PRDM16: variants seen among roughly 807,000 people sequenced by gnomAD.
PRDM16 encodes the protein histone-lysine N-methyltransferase PRDM16.
PRDM16 carries 23 observed loss-of-function variants against 110.6 expected under a neutral mutation model. The observed-to-expected ratio is 0.21, with a 90% CI of 0.15 to 0.29. PRDM16 has a LOEUF of 0.29. Among genes scored for constraint, PRDM16 ranks in the 10% least tolerant of loss-of-function variants. The probability of loss-of-function intolerance (pLI) is 1.00; values close to 1 mark genes in which losing one functional copy is unlikely to be tolerated. For synonymous variants in PRDM16, 799 were observed against 781.8 expected, an observed-to-expected ratio of 1.02 and a Z score of -0.37; for missense variants, 1,615 against 1,794.3, an observed-to-expected ratio of 0.90 and a Z score of 1.81.
intron 1 of PRDM16, among the ~76,000 whole-genome samples, chr1:3,144,207 C>T (rs1643603167): frequency 1.3e-5 from 2 of 152,174 alleles, no homozygotes; most frequent in Admixed American, 1.3e-4. Flanking sequence ...AGCCTGTGGG[C>T]ACCATCACTG....
chr1:3,394,475 G>A, intron 4 of PRDM16: 1 of 449,206 alleles, frequency 2.2e-6, no homozygotes, highest in Non-Finnish European at 4.5e-6. Context: ...CTCGACGGGG[G>A]TGGGGTGGAG....
chr1:3,416,012 C>A (rs1240961470), intron 10 of PRDM16, among the ~76,000 whole-genome samples: 1 of 152,220 alleles, frequency 6.6e-6, no homozygotes, highest in African/African-American at 2.4e-5. Flanking sequence ...GCTCATCACT[C>A]GTTCTCATCA....
Position 3,343,355 on chromosome 1 carries a change from T to C in PRDM16, c.439-41797T>C, listed in dbSNP as rs1343365690. The stretch of plus-strand genomic sequence containing the variant: ...TTTTATCAATTGATTTTTAGATCTT[T>C]ATGTATCCTAGATACAAGTCCTTAG... On this transcript the variant is annotated intron_variant, in intron 3 of 16. Coordinates refer to ENST00000270722, the MANE Select transcript of PRDM16 (RefSeq NM_022114.4). Among the ~76,000 whole-genome samples the C allele has an allele frequency of 2.0e-5, 3 of 151,638 alleles. No homozygotes were observed. The East Asian group carries it at 5.8e-4, about 29-fold the overall frequency.
At chr1:3,114,001 G>C (rs1020943772) in intron 1 of PRDM16, among the ~76,000 whole-genome samples, 1 of 152,164 alleles carries the variant, frequency 6.6e-6, no homozygotes, top group Non-Finnish European at 1.5e-5. Context: ...TGTTTTCTTT[G>C]GTTTTGTTTT....
chr1:3,435,095 C>T lies in PRDM16; in HGVS notation c.*1284C>T, dbSNP rs183540566. ...AAGGAGCAGAGACAGCACAGCCCCC[C>T]GGGCCCAGCCGCCTCCCTCTCTTGG... On this transcript the variant is annotated 3_prime_UTR_variant, in exon 17 of 17. Coordinates refer to ENST00000270722, the MANE Select transcript of PRDM16 (RefSeq NM_022114.4). 111 of 227,012 alleles carry T rather than the reference C, an allele frequency of 4.9e-4. No homozygotes were observed. Among genetic ancestry groups the T allele is most frequent in the African/African-American group, 2.2e-3 (100 of 45,028 alleles). 14.1% of individuals were successfully genotyped at this position (227,012 alleles called of 1,614,324 possible).
chr1:3,126,919 G>C (rs899569603), intron 1 of PRDM16, among the ~76,000 whole-genome samples: 2 of 152,208 alleles, frequency 1.3e-5, no homozygotes, highest in South Asian at 4.1e-4. Context: ...TTAGGGGATC[G>C]AGAGCTTACT....
chr1:3,120,019 G>T (rs544109625), intron 1 of PRDM16, among the ~76,000 whole-genome samples: 5 of 137,830 alleles, frequency 3.6e-5, no homozygotes, highest in Non-Finnish European at 1.6e-5. Flanking sequence ...TGGGAGCCCC[G>T]CCTGGTGGCC....
At chr1:3,203,745 C>T (rs1310514998) in intron 2 of PRDM16, among the ~76,000 whole-genome samples, 1 of 152,198 alleles carries the variant, frequency 6.6e-6, no homozygotes, top group Non-Finnish European at 1.5e-5. Context: ...ATTCGGACCA[C>T]CCTACCTGCG....
At chr1:3,251,950 C>G (rs183325833) in intron 3 of PRDM16, among the ~76,000 whole-genome samples, 4 of 152,338 alleles carry the variant, frequency 2.6e-5, no homozygotes, top group Admixed American at 1.3e-4. Flanking sequence ...GGGGAGTTCT[C>G]TCTTCCACAC....
chr1:3,225,571 T>TGCGCGCGCGCGC (rs1374895567), intron 2 of PRDM16, among the ~76,000 whole-genome samples: 3 of 107,586 alleles, frequency 2.8e-5, no homozygotes, highest in African/African-American at 1.1e-4. Context: ...TGTGTGTGTG[T>TGCGCGCGCGCGC]GTGCGCGCGC....
At chr1:3,347,018 G>A (rs181706385) in intron 3 of PRDM16, among the ~76,000 whole-genome samples, 25 of 152,320 alleles carry the variant, frequency 1.6e-4, no homozygotes, top group African/African-American at 5.1e-4. Context: ...AGCACTCACC[G>A]GCAGCTTGGG....
At chr1:3,298,022 C>G (rs992260815) in intron 3 of PRDM16, among the ~76,000 whole-genome samples, 2 of 141,252 alleles carry the variant, frequency 1.4e-5, no homozygotes, top group African/African-American at 6.4e-5. Flanking sequence ...GGGAACAGCA[C>G]GTCACCCAAG....
In PRDM16 at chr1:3,437,864, G is replaced by A. The variant is rs373986423; in HGVS notation, c.*4053G>A. 2.7e-5 allele frequency: 6 copies of A among 218,352 alleles called. No homozygotes were observed. The highest frequency in any genetic ancestry group is 1.9e-4 in the South Asian group (1 of 5,404). The allele number at this position is 218,352 out of a possible 1,614,324, so 13.5% of individuals were successfully genotyped here. On this transcript the variant is annotated 3_prime_UTR_variant, in exon 17 of 17. Transcript: ENST00000270722. ...TCAGCGTCACGTGCATTGCCACTGCGCTTTCGGCACGAGGGATGCTGAGCC... is the reference window on the plus strand; with the variant it reads ...TCAGCGTCACGTGCATTGCCACTGCACTTTCGGCACGAGGGATGCTGAGCC...
Position 3,306,046 on chromosome 1 carries a change from TCA to T in PRDM16, c.438+61910_438+61911del, listed in dbSNP as rs1196271091. Among the ~76,000 whole-genome samples the T allele has an allele frequency of 5.3e-5, 8 of 152,366 alleles. No individual in the cohort carries two copies. In the East Asian group the frequency reaches 1.5e-3, roughly 29 times the overall value. ...CTCTGCTGGGATGAGACAGCCTTTC[TCA>T]GAGACCACTTCCCTCCAGGTTGTGA... is the stretch of plus-strand genomic sequence containing the variant. On this transcript the variant is annotated intron_variant, in intron 3 of 16. Coordinates refer to ENST00000270722, the MANE Select transcript of PRDM16 (RefSeq NM_022114.4).
At chr1:3,165,091 C>G (rs1488737497) in intron 1 of PRDM16, among the ~76,000 whole-genome samples, 2 of 152,242 alleles carry the variant, frequency 1.3e-5, no homozygotes, top group Non-Finnish European at 2.9e-5. Flanking sequence ...GCTCCGGGCC[C>G]CCCTCTGCCT....
chr1:3,241,576 C>T (rs1639675867), intron 2 of PRDM16, among the ~76,000 whole-genome samples: 1 of 152,202 alleles, frequency 6.6e-6, no homozygotes, highest in African/African-American at 2.4e-5. Context: ...GAGCATCCGT[C>T]TCTGCGTCCC....
chr1:3,431,017 TC>T lies in PRDM16; in HGVS notation c.3435del (p.Ala1146HisfsTer39). On this transcript the variant is annotated frameshift_variant, in exon 15 of 17. Transcript: ENST00000270722. LOFTEE classifies it high-confidence loss of function. ...LAGKSQDDTV[S>X]PAPEPQAAYE... is the part of the protein sequence containing the mutation. ...CGGGAAGTCGCAGGATGACACCGTG[TC>T]CCCCGCACCCGAGCCCCAGGCCGCC... The T allele has an allele frequency of 6.3e-7, 1 of 1,578,832 alleles. No homozygotes were observed. The highest frequency in any genetic ancestry group is 8.6e-7 in the Non-Finnish European group (1 of 1,162,674).
intron 2 of PRDM16, among the ~76,000 whole-genome samples, chr1:3,234,430 A>T (rs1639492580): frequency 6.6e-6 from 1 of 152,214 alleles, no homozygotes; most frequent in Non-Finnish European, 1.5e-5. Context: ...GGCCACTTCC[A>T]GGCCAAGCAG....
chr1:3,337,425 G>T (rs1642183339), intron 3 of PRDM16, among the ~76,000 whole-genome samples: 1 of 152,222 alleles, frequency 6.6e-6, no homozygotes, highest in Admixed American at 6.5e-5. Context: ...CTCTTTTCTG[G>T]GAGAACAGGT....
Sources: allele counts gnomAD v4.1 joint callset (sites outside exome capture counted in the v4.1 genomes callset), GRCh38; gene constraint gnomAD v4.1.1; transcripts MANE v1.5; gene names NCBI Gene and HGNC (gene_info 2026-07-23, HGNC 2026-07-21).